Variants in CEP135 observed in about 807,000 individuals in gnomAD.
CEP135 encodes centrosomal protein 135.
A neutral mutation model predicts 157.3 loss-of-function variants in CEP135; 142 were observed. The ratio of observed to expected loss-of-function variants is 0.90; its 90% CI spans 0.79 to 1.04. The LOEUF (loss-of-function observed/expected upper bound fraction) is 1.04, where lower values mean the gene tolerates loss of function less well. Ranked by LOEUF, CEP135 falls within the 50% of genes least tolerant of loss-of-function variation. CEP135 has a pLI of 0.00. For missense variants in CEP135, 1,317 were observed against 1,309.2 expected, an observed-to-expected ratio of 1.01 and a Z score of -0.09; for synonymous variants, 396 against 439.8, an observed-to-expected ratio of 0.90 and a Z score of 1.25.
chr4:55,999,510 G>A lies in CEP135; in HGVS notation c.2145G>A (p.Met715Ile), dbSNP rs764657891. The change falls in exon 17 of 26, where the codon ATG (methionine) becomes ATA (isoleucine). Residue 715 changes from methionine (M) to isoleucine (I), a missense_variant. Met to Ile is a conservative substitution (Grantham distance 10, BLOSUM62 1). Coordinates refer to ENST00000257287, the MANE Select transcript of CEP135 (RefSeq NM_025009.5). ...EEKIDELNLK[M>I]TSQDEEAHVM... ...TTGTAGATGAACTAAACCTTAAGAT[G>A]ACTTCACAGGATGAGGAGGCTCATG... The A allele has an allele frequency of 6.2e-7, 1 of 1,610,746 alleles. No individual in the cohort carries two copies. The highest frequency in any genetic ancestry group is 1.7e-5 in the Admixed American group (1 of 59,112).
At chr4:55,957,464 T>A in intron 5 of CEP135, 100 bp downstream of exon 5, 1 of 1,078,888 alleles carries the variant, frequency 9.3e-7, no homozygotes, top group Non-Finnish European at 1.3e-6. Context: ...CTGTTGTGTC[T>A]CCAGTGTCTA....
Position 55,992,535 on chromosome 4 carries a change from A to G in CEP135, c.2009+450A>G, listed in dbSNP as rs138080524. Among the ~76,000 whole-genome samples, 437 of 152,290 alleles carry G rather than the reference A, an allele frequency of 2.9e-3. 2 individuals are homozygous for G. The highest frequency in any genetic ancestry group is 9.6e-3 in the African/African-American group (399 of 41,580). ...CAATTTTTAACCCTTTCTGACTTAGAAACAGAAGTTTTTAAGTAGGGAGGT... is the reference window on the plus strand; with the variant it reads ...CAATTTTTAACCCTTTCTGACTTAGGAACAGAAGTTTTTAAGTAGGGAGGT... On this transcript the variant is annotated intron_variant, in intron 15 of 25. Coordinates refer to ENST00000257287, the MANE Select transcript of CEP135 (RefSeq NM_025009.5).
rs1049332509 is a variant in CEP135, at chr4:56,032,497, T to C, written c.*1149T>C. 6.6e-6 allele frequency: 1 copy of C among 152,016 alleles called. No individual in the cohort carries two copies. Among genetic ancestry groups the C allele is most frequent in the Non-Finnish European group, 1.5e-5 (1 of 67,996 alleles). 9.4% of individuals were successfully genotyped at this position (152,016 alleles called of 1,614,324 possible). A position where few individuals can be genotyped will look rare whatever the true frequency, so the allele number is the denominator to read the frequency against. On this transcript the variant is annotated 3_prime_UTR_variant, in exon 26 of 26. Coordinates refer to ENST00000257287, the MANE Select transcript of CEP135 (RefSeq NM_025009.5). Reference sequence around the variant, plus strand: ...GGGTAAATACAGTAAAACGTTTTGTTAAATTCCAATATACATTCAGTGATA... The same window carrying C: ...GGGTAAATACAGTAAAACGTTTTGTCAAATTCCAATATACATTCAGTGATA...
rs377533616 is a variant in CEP135, at chr4:55,954,434, A to G, written c.472+51A>G. On this transcript the variant is annotated intron_variant, in intron 4 of 25. Transcript: ENST00000257287. The stretch of plus-strand genomic sequence containing the variant: ...ATTATACACATTTAATCTTTTAACG[A>G]TATTAACACCATTGACTAAAATAGG... The G allele has an allele frequency of 4.9e-4, 717 of 1,469,664 alleles. 1 individual carries two copies. Among genetic ancestry groups the G allele is most frequent in the Non-Finnish European group, 6.1e-4 (667 of 1,096,862 alleles). 91.0% of individuals were successfully genotyped at this position (1,469,664 alleles called of 1,614,324 possible).
intron 6 of CEP135, among the ~76,000 whole-genome samples, chr4:55,962,478 C>T (rs1318249206): frequency 6.6e-6 from 1 of 152,162 alleles, no homozygotes; most frequent in Non-Finnish European, 1.5e-5. Flanking sequence ...GACTGTCTTA[C>T]TTGATATCTC....
chr4:55,991,886 A>C, intron 14 of CEP135, 48 bp from the exon 15 acceptor site: 1 of 914,950 alleles, frequency 1.1e-6, no homozygotes, highest in Non-Finnish European at 1.6e-6. Context: ...GAAAAATATC[A>C]TTAACGTATT....
intron 22 of CEP135, among the ~76,000 whole-genome samples, chr4:56,018,986 G>A (rs1489494211): frequency 6.6e-6 from 1 of 151,904 alleles, no homozygotes; most frequent in African/African-American, 2.4e-5. Context: ...TTATTTTCAG[G>A]TACTGAGAAA....
intron 13 of CEP135, among the ~76,000 whole-genome samples, chr4:55,983,276 CAGT>C (rs1288944263): frequency 6.6e-6 from 1 of 152,280 alleles, no homozygotes; most frequent in East Asian, 1.9e-4. Flanking sequence ...TTTTTAAATG[CAGT>C]AGTACTGAAA....
chr4:55,971,490 T>C, intron 10 of CEP135, 82 bp downstream of exon 10: 1 of 1,277,090 alleles, frequency 7.8e-7, no homozygotes, highest in South Asian at 1.6e-5. Flanking sequence ...TATTCATTCA[T>C]TCATTCATTC....
chr4:55,964,237 C>T (rs1250157820), intron 6 of CEP135, 37 bp from the exon 7 acceptor site: 1 of 1,571,278 alleles, frequency 6.4e-7, no homozygotes, highest in Admixed American at 2.0e-5. Flanking sequence ...GGTTGAAAAC[C>T]AGATTTTTTA....
Position 55,952,169 on chromosome 4 carries a change from GA to G in CEP135, c.43del (p.Arg15GlyfsTer11). 6.2e-7 allele frequency: 1 copy of G among 1,613,082 alleles called. No individual in the cohort carries two copies. The highest frequency in any genetic ancestry group is 1.1e-5 in the South Asian group (1 of 91,058). On this transcript the variant is annotated frameshift_variant, in exon 2 of 26. Coordinates refer to ENST00000257287, the MANE Select transcript of CEP135 (RefSeq NM_025009.5). LOFTEE classifies it high-confidence loss of function. ...AVERKYINIR[K>X]RLDQLGYRQT... The stretch of plus-strand genomic sequence containing the variant: ...TAGAGAGAAAGTATATTAATATTAG[GA>G]AAAGGCTGGATCAGCTGGGATACCG...
chr4:56,025,049 G>C (rs1448179059), intron 25 of CEP135, among the ~76,000 whole-genome samples: 1 of 152,096 alleles, frequency 6.6e-6, no homozygotes, highest in Non-Finnish European at 1.5e-5. Flanking sequence ...GGGAGGTGGG[G>C]GAGGATACTG....
Position 56,033,261 on chromosome 4 carries a change from A to G in CEP135, c.*1913A>G, listed in dbSNP as rs1731424171. 6.6e-6 allele frequency: 1 copy of G among 152,142 alleles called. No homozygotes were observed. Among genetic ancestry groups the G allele is most frequent in the Non-Finnish European group, 1.5e-5 (1 of 68,010 alleles). The allele number at this position is 152,142 out of a possible 1,614,324, so 9.4% of individuals were successfully genotyped here. On this transcript the variant is annotated 3_prime_UTR_variant, in exon 26 of 26. Transcript: ENST00000257287. Reference sequence around the variant, plus strand: ...TGTTTTGAAAAAATTTTATCTTAAAATACTGAATGTTCTGACCTTTTATAG... The same window carrying G: ...TGTTTTGAAAAAATTTTATCTTAAAGTACTGAATGTTCTGACCTTTTATAG...
chr4:56,000,530 ACT>A (rs1730131685), intron 17 of CEP135, among the ~76,000 whole-genome samples: 1 of 151,872 alleles, frequency 6.6e-6, no homozygotes, highest in South Asian at 2.1e-4. Context: ...CTACCAGTCT[ACT>A]CTCTGTCTTC....
chr4:55,968,988 T>C, intron 8 of CEP135, 75 bp from the exon 9 acceptor site: 2 of 1,117,736 alleles, frequency 1.8e-6, no homozygotes, highest in South Asian at 3.1e-5. Context: ...ATTGCAAAAT[T>C]ACTTGATCTA....
chr4:56,018,564 C>T (rs1011856578), intron 22 of CEP135, among the ~76,000 whole-genome samples: 1 of 152,032 alleles, frequency 6.6e-6, no homozygotes, highest in African/African-American at 2.4e-5. Flanking sequence ...TTGAAACCAG[C>T]CTGGATAGCA....
chr4:55,985,253 G>T, intron 13 of CEP135, 28 bp from the exon 14 acceptor site: 1 of 1,319,196 alleles, frequency 7.6e-7, no homozygotes, highest in South Asian at 1.2e-5. Flanking sequence ...TGATACAAAT[G>T]AACATTTTCT....
intron 1 of CEP135, 39 bp from the exon 2 acceptor site, chr4:55,952,047 G>A: frequency 1.6e-6 from 1 of 643,288 alleles, no homozygotes; most frequent in Non-Finnish European, 2.8e-6. Context: ...AACAATCATA[G>A]CTATAATAAG....
Position 55,984,638 on chromosome 4 carries a change from G to A in CEP135, c.1780-643G>A, listed in dbSNP as rs185439215. Among the ~76,000 whole-genome samples, 68 of 152,288 alleles carry A rather than the reference G, an allele frequency of 4.5e-4. 1 individual carries two copies. The highest frequency in any genetic ancestry group is 1.6e-3 in the African/African-American group (67 of 41,558). ...AATACAGTGACCCTTTCAACCAAAT[G>A]TGTAATCTGAACATCAGATGTGTCT... On this transcript the variant is annotated intron_variant, in intron 13 of 25. Transcript: ENST00000257287.
Sources: allele counts gnomAD v4.1 joint callset (sites outside exome capture counted in the v4.1 genomes callset), GRCh38; gene constraint gnomAD v4.1.1; transcripts MANE v1.5; gene names NCBI Gene and HGNC (gene_info 2026-07-23, HGNC 2026-07-21).